Variants in NAV1 observed in about 807,000 individuals in gnomAD.
NAV1 encodes neuron navigator 1, also known as pore membrane and/or filament interacting like protein 3.
NAV1 carries 18 observed loss-of-function variants against 175.2 expected under a neutral mutation model. The ratio of observed to expected loss-of-function variants is 0.10; its 90% CI spans 0.07 to 0.15. The LOEUF (loss-of-function observed/expected upper bound fraction) is 0.15. NAV1 is among the 10% of genes least tolerant of loss of function. The pLI, the probability that NAV1 is intolerant of heterozygous loss-of-function variation, is 1.00. For missense variants in NAV1, 1,731 were observed against 2,436.6 expected, an observed-to-expected ratio of 0.71 and a Z score of 6.10; for synonymous variants, 897 against 978.7, an observed-to-expected ratio of 0.92 and a Z score of 1.56.
intron 1 of NAV1, among the ~76,000 whole-genome samples, chr1:201,571,342 T>C (rs920077064): frequency 3.2e-4 from 48 of 152,262 alleles, no homozygotes; most frequent in African/African-American, 1.1e-3. Context: ...TGACACATAA[T>C]TGGTGCCCAG....
intron 2 of NAV1, among the ~76,000 whole-genome samples, chr1:201,611,291 G>T (rs116131210): frequency 6.6e-6 from 1 of 152,228 alleles, no homozygotes; most frequent in Non-Finnish European, 1.5e-5. Flanking sequence ...ACAGGCAAGA[G>T]CTTGGGGAAG....
intron 1 of NAV1, among the ~76,000 whole-genome samples, chr1:201,697,761 C>G (rs1671250913): frequency 6.6e-6 from 1 of 152,186 alleles, no homozygotes; most frequent in African/African-American, 2.4e-5. Flanking sequence ...GTCTCCCATT[C>G]CATCCCATTC....
intron 29 of NAV1, 52 bp from the exon 34 acceptor site, chr1:201,819,785 G>T: frequency 1.3e-6 from 2 of 1,507,976 alleles, no homozygotes; most frequent in Non-Finnish European, 9.2e-7. Flanking sequence ...CCTTCTGTGG[G>T]CAGGACCCAG....
chr1:201,668,619 G>A (rs7547585), intron 1 of NAV1, among the ~76,000 whole-genome samples: 44,749 of 151,940 alleles, frequency 0.29, 6,850 homozygotes, highest in Admixed American at 0.41. Flanking sequence ...GGTGCTGGGC[G>A]TGGGTCGATG....
intron 3 of NAV1, chr1:201,737,631 G>T (rs1673171015): frequency 6.6e-6 from 1 of 152,316 alleles, no homozygotes; most frequent in Non-Finnish European, 1.5e-5. Flanking sequence ...GGCTGCGAGG[G>T]AATGTTCAGG....
At chr1:201,658,003 A>T (rs1454699788) in intron 1 of NAV1, among the ~76,000 whole-genome samples, 2 of 152,192 alleles carry the variant, frequency 1.3e-5, no homozygotes, top group Non-Finnish European at 2.9e-5. Flanking sequence ...ACTGCACTCC[A>T]GCCTGGGTAA....
Position 201,810,002 on chromosome 1 carries a change from C to T in NAV1, c.4458C>T (p.Ile1486=). The T allele has an allele frequency of 6.2e-7, 1 of 1,614,036 alleles. No homozygotes were observed. Among genetic ancestry groups the T allele is most frequent in the South Asian group, 1.1e-5 (1 of 91,060 alleles). The stretch of plus-strand genomic sequence containing the variant: ...CCCTGGGACTAAGCACTGAGTCCAT[C>T]CATGGCTACAGCATCAGCCACGTGA... The change falls in exon 23 of 30, where the codon ATC becomes ATT. Residue 1486 remains isoleucine (I), a synonymous_variant. Transcript: ENST00000367296. This position sits in a 1 kb window ranked among gnomAD's most constrained non-coding sequence, Gnocchi z 6.0.
chr1:201,593,358 G>A (rs1667259724), intron 2 of NAV1, among the ~76,000 whole-genome samples: 1 of 152,208 alleles, frequency 6.6e-6, no homozygotes, highest in Non-Finnish European at 1.5e-5. Context: ...CCATGGGAAA[G>A]GCTAACGCAT....
At chr1:201,638,135 G>C (rs1010296929) in intron 2 of NAV1, among the ~76,000 whole-genome samples, 1 of 152,114 alleles carries the variant, frequency 6.6e-6, no homozygotes. Context: ...TTTCTTAGAT[G>C]ACCAGCTGCA....
intron 3 of NAV1, among the ~76,000 whole-genome samples, chr1:201,774,266 G>A (rs564663630): frequency 6.6e-6 from 1 of 152,292 alleles, no homozygotes; most frequent in South Asian, 2.1e-4. Context: ...GCATAACTCT[G>A]AGCCCTGTCC....
chr1:201,648,480 T>C (rs889257828), exon 1 of NAV1: 65 of 1,142,724 alleles, frequency 5.7e-5, no homozygotes, highest in Non-Finnish European at 6.4e-5. Context: ...TTCTTTCCCC[T>C]GCGCCCTCGG....
At chr1:201,567,739 G>A (rs1027739105) in intron 1 of NAV1, among the ~76,000 whole-genome samples, 1 of 152,118 alleles carries the variant, frequency 6.6e-6, no homozygotes, top group Non-Finnish European at 1.5e-5. Flanking sequence ...CAACAGCACA[G>A]ACATGTCTAC....
At chr1:201,561,798 T>G (rs1490587276) in intron 1 of NAV1, among the ~76,000 whole-genome samples, 3 of 152,182 alleles carry the variant, frequency 2.0e-5, no homozygotes, top group Non-Finnish European at 4.4e-5. Context: ...GAACTGTGCC[T>G]TGCCCATCAG....
intron 2 of NAV1, among the ~76,000 whole-genome samples, chr1:201,596,969 G>A (rs1667365812): frequency 6.6e-6 from 1 of 152,082 alleles, no homozygotes; most frequent in South Asian, 2.1e-4. Context: ...AAGATCACAG[G>A]TGCCCACCAC....
At chr1:201,646,756 C>G (rs1292051374), upstream of NAV1, among the ~76,000 whole-genome samples, 1 of 152,184 alleles carries the variant, frequency 6.6e-6, no homozygotes, top group Non-Finnish European at 1.5e-5. Flanking sequence ...GTACAGTGCT[C>G]AGGCCTCCAA....
chr1:201,762,726 C>T (rs757260596), intron 3 of NAV1, among the ~76,000 whole-genome samples: 69 of 152,156 alleles, frequency 4.5e-4, no homozygotes, highest in Non-Finnish European at 8.8e-4. Flanking sequence ...TCCTACTTTT[C>T]GGAGTATTGT....
Position 201,698,276 on chromosome 1 carries a change from A to G in NAV1, c.758-14541A>G, listed in dbSNP as rs1461368804. On this transcript the variant is annotated intron_variant, in intron 1 of 29. Coordinates refer to ENST00000367296, the Ensembl canonical transcript of NAV1. ...AACCCACCCACCTTATCACTTTTCT[A>G]GTCAGTCCCCAACAGAAGCTCTGGC... 2.6e-5 allele frequency among the ~76,000 whole-genome samples: 4 copies of G among 152,204 alleles called. No homozygotes were observed. The East Asian group carries it at 7.7e-4, about 29-fold the overall frequency.
At chr1:201,692,145 C>T (rs1344381910) in intron 1 of NAV1, among the ~76,000 whole-genome samples, 1 of 152,190 alleles carries the variant, frequency 6.6e-6, no homozygotes, top group African/African-American at 2.4e-5. Flanking sequence ...TGTTATGTGC[C>T]CTGGAGATAC....
chr1:201,622,386 G>C (rs536207978), upstream of NAV1, among the ~76,000 whole-genome samples: 2 of 152,304 alleles, frequency 1.3e-5, no homozygotes, highest in African/African-American at 2.4e-5. Context: ...CCTATGAAGA[G>C]AGCCAGGGGT....
Sources: gnomAD v4.1 joint callset for allele counts (sites outside exome capture counted in the v4.1 genomes callset) on GRCh38, gnomAD v4.1.1 for gene constraint, Gnocchi (gnomAD v3.1) non-coding constraint, MANE v1.5 for transcripts, NCBI Gene and HGNC (gene_info 2026-07-23, HGNC 2026-07-21) for gene names.